SLC43A2: variants seen among roughly 807,000 people sequenced by gnomAD.
The protein encoded by SLC43A2 is solute carrier family 43 member 2, also known as large neutral amino acids transporter small subunit 4.
SLC43A2 carries 38 observed loss-of-function variants against 63.2 expected under a neutral mutation model. That is an observed-to-expected ratio of 0.60 (90% CI 0.46 to 0.79). The LOEUF is 0.79. SLC43A2 is among the 30% of genes least tolerant of loss of function. SLC43A2 has a pLI of 0.00. For synonymous variants in SLC43A2, 322 were observed against 331.0 expected (o/e 0.97, Z 0.30); for missense variants, 644 against 756.2 (o/e 0.85, Z 1.74).
chr17:1,606,281 G>T lies in SLC43A2; in HGVS notation c.501+6914C>A, dbSNP rs1906607277. Among the ~76,000 whole-genome samples, 1 of 152,138 alleles carries T rather than the reference G, an allele frequency of 6.6e-6. No individual in the cohort carries two copies. The highest frequency in any genetic ancestry group is 1.5e-5 in the Non-Finnish European group (1 of 68,036). On this transcript the variant is annotated intron_variant, in intron 5 of 13. Transcript: ENST00000301335. The surrounding 1 kb of genome is among the most constrained non-coding windows in gnomAD (Gnocchi z 4.7). ...TCCTGTCCCCTCTCTGGGGGCATCT[G>T]CCATCCTGCCCTCCTCTCCAGGATC...
rs1419040187 is a variant in SLC43A2, at chr17:1,605,956, G to A, written c.501+7239C>T. ...ACCGCTGCCCTTTCCGTCTGAACGTGGTCACATACTGCAGCAAATTCATGA... is the reference window on the plus strand; with the variant it reads ...ACCGCTGCCCTTTCCGTCTGAACGTAGTCACATACTGCAGCAAATTCATGA... On this transcript the variant is annotated intron_variant, in intron 5 of 13. Coordinates refer to ENST00000301335, the MANE Select transcript of SLC43A2 (RefSeq NM_152346.3). This position sits in a 1 kb window ranked among gnomAD's most constrained non-coding sequence, Gnocchi z 4.9. Among the ~76,000 whole-genome samples, 3 of 152,160 alleles carry A rather than the reference G, an allele frequency of 2.0e-5. No individual in the cohort carries two copies. Among genetic ancestry groups the A allele is most frequent in the African/African-American group, 7.2e-5 (3 of 41,426 alleles).
chr17:1,591,571 G>C lies in SLC43A2; in HGVS notation c.723C>G (p.Asp241Glu). 1 of 1,552,702 alleles carries C rather than the reference G, an allele frequency of 6.4e-7. No homozygotes were observed. The highest frequency in any genetic ancestry group is 8.7e-7 in the Non-Finnish European group (1 of 1,149,026). ...LEPFPGPEDMDYSVKIKFSWL... is the reference protein window; with the variant it reads ...LEPFPGPEDMEYSVKIKFSWL... The stretch of plus-strand genomic sequence containing the variant: ...ACGGGGGCACCTCTACTTACGAGTA[G>C]TCCATGTCCTCCGGCCCCGGGAAGG... Residue 241 changes from aspartate (D) to glutamate (E), a missense_variant, in exon 7 of 14, where the codon GAC (aspartate) becomes GAG (glutamate). Around this residue, in one of 3 missense-constraint regions of SLC43A2, gnomAD observed 528 missense variants for 623.6 expected, o/e 0.85. Coordinates refer to ENST00000301335, the MANE Select transcript of SLC43A2 (RefSeq NM_152346.3).
chr17:1,601,925 C>A (rs1906073628), intron 5 of SLC43A2, among the ~76,000 whole-genome samples: 1 of 151,020 alleles, frequency 6.6e-6, no homozygotes, highest in African/African-American at 2.4e-5. Flanking sequence ...CCGAGACTAC[C>A]CCAGGCATGC....
intron 10 of SLC43A2, 163 bp downstream of exon 10, chr17:1,585,750 G>T: frequency 2.5e-6 from 4 of 1,580,126 alleles, no homozygotes; most frequent in Middle Eastern, 1.7e-4. Flanking sequence ...CAGTTGAAAC[G>T]CATGCTGAGC....
chr17:1,626,152 G>A (rs1908645034), intron 2 of SLC43A2, among the ~76,000 whole-genome samples: 1 of 148,656 alleles, frequency 6.7e-6, no homozygotes, highest in South Asian at 2.1e-4. Context: ...CTTTCTCTGG[G>A]GACGATGACT....
rs1555534437 is a variant in SLC43A2, at chr17:1,573,199, A to AAAAAAAG, written c.*2404_*2405insCTTTTTT. ...CTCAAAAAAAAAAAAAAAAAAAAAAAGGCGGCCTTTTCCCAGCTGGCAGCA... is the reference window on the plus strand; with the variant it reads ...CTCAAAAAAAAAAAAAAAAAAAAAAAAAAAAAGGGCGGCCTTTTCCCAGCTGGCAGCA... On this transcript the variant is annotated 3_prime_UTR_variant, in exon 14 of 14. Coordinates refer to ENST00000301335, the MANE Select transcript of SLC43A2 (RefSeq NM_152346.3). 9.3e-5 allele frequency: 14 copies of AAAAAAAG among 150,054 alleles called. No individual in the cohort carries two copies. The highest frequency in any genetic ancestry group is 3.4e-4 in the African/African-American group (14 of 40,712). The allele number at this position is 150,054 out of a possible 1,614,324, so 9.3% of individuals were successfully genotyped here. A position where few individuals can be genotyped will look rare whatever the true frequency, so the allele number is the denominator to read the frequency against.
chr17:1,609,875 G>A (rs1906939590), intron 5 of SLC43A2, among the ~76,000 whole-genome samples: 1 of 150,768 alleles, frequency 6.6e-6, no homozygotes, highest in Admixed American at 6.6e-5. Flanking sequence ...TTTAAATACT[G>A]AAGAAATATA....
chr17:1,602,775 T>TTG (rs1906179593), intron 5 of SLC43A2, among the ~76,000 whole-genome samples: 1 of 149,362 alleles, frequency 6.7e-6, no homozygotes, highest in Non-Finnish European at 1.5e-5. Context: ...TTTTTTTTTT[T>TTG]GAGATGGAGT....
chr17:1,579,861 A>G (rs983820570), intron 11 of SLC43A2, among the ~76,000 whole-genome samples: 10 of 151,936 alleles, frequency 6.6e-5, no homozygotes, highest in African/African-American at 2.4e-4. Flanking sequence ...ATGAACGAAC[A>G]AAACCATGGA....
chr17:1,628,106 G>T, intron 1 of SLC43A2, 186 bp from the exon 2 acceptor site: 1 of 459,680 alleles, frequency 2.2e-6, no homozygotes, highest in Non-Finnish European at 3.3e-6. Flanking sequence ...CCCGCGGCCG[G>T]CTCGTACCGC....
Position 1,583,421 on chromosome 17 carries a change from A to T in SLC43A2, c.1218-85T>A, listed in dbSNP as rs1334673339. 3.2e-6 allele frequency: 5 copies of T among 1,581,168 alleles called. No individual in the cohort carries two copies. Among genetic ancestry groups the T allele is most frequent in the Non-Finnish European group, 4.3e-6 (5 of 1,161,976 alleles). ...TGAGAAGTCAGGCCTCAAGCGTCGC[A>T]GCAGGTAAACTGACGCAAGACTCAG... On this transcript the variant is annotated intron_variant, in intron 10 of 13. Transcript: ENST00000301335. This position sits in a 1 kb window ranked among gnomAD's most constrained non-coding sequence, Gnocchi z 5.5.
chr17:1,584,110 G>A (rs148419443), intron 10 of SLC43A2, among the ~76,000 whole-genome samples: 2,153 of 152,160 alleles, frequency 0.014, 19 homozygotes, highest in South Asian at 0.032. Context: ...AGCCAGGATG[G>A]TCTCGATCTT....
At chr17:1,614,221 C>T (rs1046283496) in intron 4 of SLC43A2, among the ~76,000 whole-genome samples, 9 of 151,750 alleles carry the variant, frequency 5.9e-5, no homozygotes, top group African/African-American at 1.5e-4. Flanking sequence ...CCAGCCCGGG[C>T]GACAGAGGGA....
intron 4 of SLC43A2, among the ~76,000 whole-genome samples, chr17:1,613,855 T>G (rs1361738952): frequency 6.6e-6 from 1 of 152,010 alleles, no homozygotes; most frequent in African/African-American, 2.4e-5. Context: ...TCCCAACACT[T>G]TGGGAGGCTG....
In SLC43A2 at chr17:1,593,987, C is replaced by T. The variant is rs1905047143; in HGVS notation, c.502-708G>A. Among the ~76,000 whole-genome samples the T allele has an allele frequency of 6.6e-6, 1 of 152,086 alleles. No homozygotes were observed. Among genetic ancestry groups the T allele is most frequent in the Admixed American group, 6.6e-5 (1 of 15,264 alleles). ...CCCAAGTCGCGAGATTAGAGATGCCCGCCACCATGCCTGGCTAATTTTTGT... is the reference window on the plus strand; with the variant it reads ...CCCAAGTCGCGAGATTAGAGATGCCTGCCACCATGCCTGGCTAATTTTTGT... On this transcript the variant is annotated intron_variant, in intron 5 of 13. Coordinates refer to ENST00000301335, the MANE Select transcript of SLC43A2 (RefSeq NM_152346.3). The surrounding 1 kb of genome is among the most constrained non-coding windows in gnomAD (Gnocchi z 5.3).
rs1300947078 is a variant in SLC43A2 at position 1,606,578 on chromosome 17, A to C, written c.501+6617T>G. 6.6e-6 allele frequency among the ~76,000 whole-genome samples: 1 copy of C among 152,194 alleles called. No individual in the cohort carries two copies. The highest frequency in any genetic ancestry group is 1.5e-5 in the Non-Finnish European group (1 of 68,026). On this transcript the variant is annotated intron_variant, in intron 5 of 13. Transcript: ENST00000301335. The surrounding 1 kb of genome is among the most constrained non-coding windows in gnomAD (Gnocchi z 4.7). ...GCTACAGCTGCTCCCATCTCTAAGCAACCCAGGCTCCGGGTTGGAGGGTGG... is the reference window on the plus strand; with the variant it reads ...GCTACAGCTGCTCCCATCTCTAAGCCACCCAGGCTCCGGGTTGGAGGGTGG...
chr17:1,585,724 T>C, intron 10 of SLC43A2, 189 bp downstream of exon 10: 1 of 1,538,884 alleles, frequency 6.5e-7, no homozygotes, highest in Non-Finnish European at 8.7e-7. Context: ...CCAAACAATT[T>C]CCATAAAGAG....
Position 1,571,688 on chromosome 17 carries a change from T to C in SLC43A2, c.*3916A>G, listed in dbSNP as rs7222425. 55,302 of 152,150 alleles carry C rather than the reference T, an allele frequency of 0.36. 10,966 individuals are homozygous for C. The highest frequency in any genetic ancestry group is 0.52 in the African/African-American group (21,535 of 41,440). The allele number at this position is 152,150 out of a possible 1,614,324, so 9.4% of individuals were successfully genotyped here. A position where few individuals can be genotyped will look rare whatever the true frequency, so the allele number is the denominator to read the frequency against. ...AAGTTCTGACCAGGACGATGCTGGG[T>C]GCAAGAGGGGACGGGGATGGAGCAA... On this transcript the variant is annotated 3_prime_UTR_variant, in exon 14 of 14. Coordinates refer to ENST00000301335, the MANE Select transcript of SLC43A2 (RefSeq NM_152346.3). This position sits in a 1 kb window ranked among gnomAD's most constrained non-coding sequence, Gnocchi z 5.2.
intron 2 of SLC43A2, among the ~76,000 whole-genome samples, chr17:1,624,613 G>A (rs1215912705): frequency 1.3e-5 from 2 of 152,016 alleles, no homozygotes; most frequent in South Asian, 2.1e-4. Context: ...AAAACTAACT[G>A]GGTTTGATGG....
Sources: gnomAD v4.1 joint callset for allele counts (sites outside exome capture counted in the v4.1 genomes callset) on GRCh38, gnomAD v4.1.1 for gene constraint, gnomAD v4.1.1 regional missense constraint, Gnocchi (gnomAD v3.1) non-coding constraint, MANE v1.5 for transcripts, NCBI Gene and HGNC (gene_info 2026-07-23, HGNC 2026-07-21) for gene names.